The following SH3RF3 variants were observed in gnomAD, a reference collection of about 807,000 sequenced individuals.
SH3RF3 encodes E3 ubiquitin-protein ligase SH3RF3.
Under a neutral mutation model 66.3 loss-of-function variants are expected in SH3RF3, and 29 were observed. The observed-to-expected ratio is 0.44, with a 90% CI of 0.33 to 0.60. SH3RF3 has a LOEUF of 0.60. Ranked by LOEUF, SH3RF3 falls within the 20% of genes least tolerant of loss-of-function variation. SH3RF3 has a pLI of 0.04. For missense variants in SH3RF3, 1,194 were observed against 1,190.9 expected, an observed-to-expected ratio of 1.00 and a Z score of -0.04; for synonymous variants, 583 against 532.0, an observed-to-expected ratio of 1.10 and a Z score of -1.32.
At chr2:109,404,499 C>T (rs1022811944) in intron 4 of SH3RF3, among the ~76,000 whole-genome samples, 5 of 152,098 alleles carry the variant, frequency 3.3e-5, no homozygotes, top group Admixed American at 3.3e-4. Context: ...GGGAGTGGGG[C>T]CTAGACGGAA....
chr2:109,466,905 ATG>A (rs1282485459), intron 8 of SH3RF3, among the ~76,000 whole-genome samples: 3 of 151,836 alleles, frequency 2.0e-5, no homozygotes, highest in African/African-American at 4.8e-5. Flanking sequence ...GTGTTTGTGT[ATG>A]TGTGTCTATA....
intron 1 of SH3RF3, among the ~76,000 whole-genome samples, chr2:109,293,009 G>A (rs1681224458): frequency 6.6e-6 from 1 of 152,192 alleles, no homozygotes; most frequent in African/African-American, 2.4e-5. Flanking sequence ...TGGGATTACA[G>A]GCGTGAGGCA....
intron 9 of SH3RF3, among the ~76,000 whole-genome samples, chr2:109,496,233 G>A (rs138038275): frequency 4.4e-4 from 67 of 152,100 alleles, no homozygotes; most frequent in African/African-American, 1.4e-3. Context: ...TGATTGGCGC[G>A]TTTTACAGAG....
chr2:109,444,537 A>C (rs1475145190), intron 7 of SH3RF3, among the ~76,000 whole-genome samples: 1 of 152,170 alleles, frequency 6.6e-6, no homozygotes, highest in Non-Finnish European at 1.5e-5. Flanking sequence ...GGCCATACTA[A>C]GCCTCCACCT....
At chr2:109,352,780 T>G (rs966798130) in intron 2 of SH3RF3, among the ~76,000 whole-genome samples, 1 of 152,202 alleles carries the variant, frequency 6.6e-6, no homozygotes, top group African/African-American at 2.4e-5. Flanking sequence ...GAGGCTCAAC[T>G]CGCAGGGCAC....
At chr2:109,275,087 T>TAAA (rs201303613) in intron 1 of SH3RF3, among the ~76,000 whole-genome samples, 1 of 150,770 alleles carries the variant, frequency 6.6e-6, no homozygotes, top group Admixed American at 6.6e-5. Flanking sequence ...CTTCCACCAT[T>TAAA]AAAAAAAAAG....
At chr2:109,228,115 C>G (rs1659533333) in intron 1 of SH3RF3, among the ~76,000 whole-genome samples, 1 of 152,178 alleles carries the variant, frequency 6.6e-6, no homozygotes, top group South Asian at 2.1e-4. Context: ...CAGGCAATCT[C>G]TAATGGCTGT....
chr2:109,349,315 C>G (rs745678629), intron 2 of SH3RF3, among the ~76,000 whole-genome samples: 13 of 152,190 alleles, frequency 8.5e-5, no homozygotes, highest in Non-Finnish European at 1.3e-4. Flanking sequence ...GGATTCAACT[C>G]CTTCTCCCTT....
At chr2:109,249,508 TCATTC>T (rs1680013056) in intron 1 of SH3RF3, among the ~76,000 whole-genome samples, 1 of 53,548 alleles carries the variant, frequency 1.9e-5, no homozygotes, top group Non-Finnish European at 3.7e-5. Flanking sequence ...TTTCTTTCTT[TCATTC>T]TTTCTTTTTC....
intron 1 of SH3RF3, among the ~76,000 whole-genome samples, chr2:109,131,605 A>T (rs745731573): frequency 8.5e-5 from 13 of 152,132 alleles, no homozygotes; most frequent in Non-Finnish European, 1.5e-4. Context: ...TTTGACCAGG[A>T]GGTTAGGAGG....
chr2:109,464,581 A>G (rs532597618), intron 8 of SH3RF3, among the ~76,000 whole-genome samples: 1 of 152,316 alleles, frequency 6.6e-6, no homozygotes, highest in African/African-American at 2.4e-5. Flanking sequence ...CTGCTCCCTC[A>G]CAATCGATTT....
intron 3 of SH3RF3, among the ~76,000 whole-genome samples, chr2:109,385,030 A>G (rs2104391783): frequency 6.6e-6 from 1 of 152,300 alleles, no homozygotes; most frequent in South Asian, 2.1e-4. Context: ...CCCTCCCTGC[A>G]TGCCTGGCCC....
At chr2:109,340,034 C>A (rs1406727219) in intron 1 of SH3RF3, among the ~76,000 whole-genome samples, 1 of 152,182 alleles carries the variant, frequency 6.6e-6, no homozygotes. Context: ...TATAAAAGGA[C>A]TATAATTCTT....
chr2:109,486,490 T>TA (rs564816880), intron 8 of SH3RF3, among the ~76,000 whole-genome samples: 59 of 152,364 alleles, frequency 3.9e-4, no homozygotes, highest in African/African-American at 1.3e-3. Flanking sequence ...AACTATTTAA[T>TA]ATTCAGAGAT....
rs540978362 is a variant in SH3RF3, at chr2:109,290,372, G to A, written c.574-57302G>A. ...TGATAAGAGAAATTAGTGTGATCAG[G>A]GATGAATGTACCATAAATACTCAAA... On this transcript the variant is annotated intron_variant, in intron 1 of 9. Transcript: ENST00000309415. Among the ~76,000 whole-genome samples the A allele has an allele frequency of 1.6e-4, 25 of 152,274 alleles. No individual in the cohort carries two copies. The South Asian group carries it at 5.2e-3, about 32-fold the overall frequency.
chr2:109,459,133 C>G (rs760195239), intron 8 of SH3RF3, among the ~76,000 whole-genome samples: 1 of 152,018 alleles, frequency 6.6e-6, no homozygotes, highest in South Asian at 2.1e-4. Flanking sequence ...TATCTTGTAA[C>G]TTAAATACTA....
chr2:109,312,941 C>T (rs957420657), intron 1 of SH3RF3, among the ~76,000 whole-genome samples: 5 of 152,174 alleles, frequency 3.3e-5, no homozygotes, highest in African/African-American at 1.2e-4. Flanking sequence ...TGAAGAGCCG[C>T]CCTATGTTTT....
At chr2:109,269,924 G>GTTT (rs1680585934) in intron 1 of SH3RF3, among the ~76,000 whole-genome samples, 1 of 152,200 alleles carries the variant, frequency 6.6e-6, no homozygotes, top group Non-Finnish European at 1.5e-5. Context: ...AAAGCAAAAC[G>GTTT]TAACTACTAC....
At chr2:109,145,534 G>A (rs950839686) in intron 1 of SH3RF3, among the ~76,000 whole-genome samples, 2 of 152,218 alleles carry the variant, frequency 1.3e-5, no homozygotes, top group African/African-American at 4.8e-5. Context: ...GAAAGGGGCT[G>A]CTTCCTCACA....
Sources: allele counts gnomAD v4.1 joint callset (sites outside exome capture counted in the v4.1 genomes callset), GRCh38; gene constraint gnomAD v4.1.1; transcripts MANE v1.5; gene names NCBI Gene and HGNC (gene_info 2026-07-23, HGNC 2026-07-21).